Variants in NDRG2 observed in about 807,000 individuals in gnomAD.
NDRG2 encodes the protein protein NDRG2.
Under a neutral mutation model 58.2 loss-of-function variants are expected in NDRG2, and 34 were observed. The ratio of observed to expected loss-of-function variants is 0.58; its 90% CI spans 0.44 to 0.78. The LOEUF (loss-of-function observed/expected upper bound fraction) is 0.78. NDRG2 is among the 30% of genes least tolerant of loss of function. The pLI is 0.00. For missense variants in NDRG2, 434 were observed against 471.2 expected (o/e 0.92, Z 0.73); for synonymous variants, 187 against 175.9 (o/e 1.06, Z -0.50).
At chr14:21,055,985 G>A (rs1885659128) in intron 1 of NDRG2, among the ~76,000 whole-genome samples, 1 of 152,104 alleles carries the variant, frequency 6.6e-6, no homozygotes, top group Non-Finnish European at 1.5e-5. Flanking sequence ...AGGAGTGCAC[G>A]AAGGGATCCC....
rs370892193 is a variant in NDRG2, at chr14:21,018,708, A to G, written c.813+55T>C. On this transcript the variant is annotated intron_variant, in intron 12 of 15. Coordinates refer to ENST00000556147, the MANE Select transcript of NDRG2 (RefSeq NM_001320329.2). ...CCCTTGGCAAGATACTCTTCTGACC[A>G]CCACTTTAGGACCCCAACCCTCCTC... is the stretch of plus-strand genomic sequence containing the variant. The G allele has an allele frequency of 8.1e-4, 1,304 of 1,611,298 alleles. 3 individuals carry two copies. The highest frequency in any genetic ancestry group is 1.0e-3 in the Non-Finnish European group (1,228 of 1,178,810).
chr14:21,048,107 TC>T (rs1160997677), intron 1 of NDRG2, among the ~76,000 whole-genome samples: 2 of 152,046 alleles, frequency 1.3e-5, no homozygotes, highest in Admixed American at 1.3e-4. Flanking sequence ...GAGCTTCAAC[TC>T]ATTTCATCAC....
intron 11 of NDRG2, 150 bp downstream of exon 11, chr14:21,018,966 G>T (rs530292995): frequency 1.6e-6 from 2 of 1,256,232 alleles, no homozygotes; most frequent in East Asian, 4.8e-5. Context: ...TTCAAAGGGG[G>T]AAGACCTAGA....
intron 3 of NDRG2, 59 bp downstream of exon 3, chr14:21,022,805 T>G: frequency 3.8e-6 from 6 of 1,564,638 alleles, no homozygotes; most frequent in Non-Finnish European, 5.2e-6. Flanking sequence ...GAGGCCATCC[T>G]TCTACTGGGG....
intron 1 of NDRG2, chr14:21,035,697 G>A (rs1335897727): frequency 4.5e-6 from 2 of 446,990 alleles, no homozygotes; most frequent in Non-Finnish European, 9.0e-6. Context: ...CTCATGTAGA[G>A]CCCCCTAAAC....
Position 21,022,433 on chromosome 14 carries a change from T to C in NDRG2, c.182A>G (p.Lys61Arg). The C allele has an allele frequency of 1.2e-6, 2 of 1,613,822 alleles. No homozygotes were observed. Among genetic ancestry groups the C allele is most frequent in the Non-Finnish European group, 1.7e-6 (2 of 1,179,938 alleles). ...GTGGTAGGTAAGGATCGCTGGGCGT[T>C]TGGGTTTGGGGGTGCCATAGACAGT... ...TFTVYGTPKP[K>R]RPAILTYHDV... Residue 61 changes from lysine (K) to arginine (R), a missense_variant, in exon 4 of 16, where the codon AAA becomes AGA. Lys to Arg is a conservative substitution (Grantham distance 26). Coordinates refer to ENST00000556147, the MANE Select transcript of NDRG2 (RefSeq NM_001320329.2).
chr14:21,038,140 G>A (rs1369786209), intron 1 of NDRG2, among the ~76,000 whole-genome samples: 1 of 152,078 alleles, frequency 6.6e-6, no homozygotes, highest in Non-Finnish European at 1.5e-5. Context: ...TCAAACCCAG[G>A]GCTGAAGTCT....
At position 21,069,761 on chromosome 14, in the gene NDRG2, C is replaced by T. The variant is rs1262887322; in HGVS notation, c.24+1067G>A. 2.0e-5 allele frequency among the ~76,000 whole-genome samples: 3 copies of T among 152,262 alleles called. No individual in the cohort carries two copies. The East Asian group carries it at 5.8e-4, about 30-fold the overall frequency. On this transcript the variant is annotated intron_variant, in intron 1 of 14. Transcript: ENST00000403829. The stretch of plus-strand genomic sequence containing the variant: ...AATCCCCTGATTTCCCGGCCCTCCG[C>T]TCTCTGCTAGGCAGGCAGGGGCCTG...
upstream of NDRG2, chr14:21,028,364 A>G (rs887766741): frequency 6.6e-6 from 1 of 152,068 alleles, no homozygotes; most frequent in African/African-American, 2.4e-5. Flanking sequence ...CAATCCTCCC[A>G]CTTCAGCCTC....
Position 21,019,926 on chromosome 14 carries a change from G to T in NDRG2, c.606C>A (p.Phe202Leu), listed in dbSNP as rs139573521. The change falls in exon 9 of 16, where the codon TTC (phenylalanine) becomes TTA (leucine). Residue 202 changes from phenylalanine to leucine, a missense_variant. Coordinates refer to ENST00000556147, the MANE Select transcript of NDRG2 (RefSeq NM_001320329.2). The part of the protein sequence containing the change: ...SIPEMILGHL[F>L]SQEELSGNSE... ...ATCTCCTACACCCACTTACCTGGCT[G>T]AAAAGATGTCCAAGGATCATCTCCG... The T allele has an allele frequency of 4.3e-6, 7 of 1,614,078 alleles. No individual in the cohort carries two copies. The highest frequency in any genetic ancestry group is 5.9e-6 in the Non-Finnish European group (7 of 1,179,986).
At chr14:21,060,648 T>C (rs182408035) in intron 1 of NDRG2, among the ~76,000 whole-genome samples, 14 of 151,908 alleles carry the variant, frequency 9.2e-5, no homozygotes, top group East Asian at 1.9e-4. Flanking sequence ...TCCATCTTCA[T>C]ACTGTTACTA....
At position 21,024,475 on chromosome 14, in the gene NDRG2, A is replaced by AT. The variant is rs2139015024; in HGVS notation, c.-453dup. The AT allele has an allele frequency of 1.1e-6, 1 of 949,082 alleles. No homozygotes were observed. Among genetic ancestry groups the AT allele is most frequent in the East Asian group, 1.2e-4 (1 of 8,600 alleles). 58.8% of individuals were successfully genotyped at this position (949,082 alleles called of 1,614,324 possible). A position where few individuals can be genotyped will look rare whatever the true frequency, so the allele number is the denominator to read the frequency against. ...CTGCAGGGGGACTAAACGCGGGGGA[A>AT]TAGGGGATCCCCAAAATTTTTGACA... On this transcript the variant is annotated 5_prime_UTR_variant, in exon 1 of 16. It removes the in-frame stop codon of an upstream open reading frame in the 5' UTR. Coordinates refer to ENST00000556147, the MANE Select transcript of NDRG2 (RefSeq NM_001320329.2).
At chr14:21,021,794 G>A in intron 6 of NDRG2, 23 bp downstream of exon 6, 1 of 1,607,506 alleles carries the variant, frequency 6.2e-7, no homozygotes, top group Non-Finnish European at 8.5e-7. Flanking sequence ...ACTCTGGTTT[G>A]GAGGGGTTCC....
chr14:21,055,051 C>A (rs1885614713), intron 1 of NDRG2, among the ~76,000 whole-genome samples: 1 of 152,186 alleles, frequency 6.6e-6, no homozygotes, highest in Admixed American at 6.5e-5. Context: ...TACTCCTAAG[C>A]ATTTTACCAC....
chr14:21,017,454 A>G lies in NDRG2; in HGVS notation c.*142T>C. 2 of 907,190 alleles carry G rather than the reference A, an allele frequency of 2.2e-6. No individual in the cohort carries two copies. Among genetic ancestry groups the G allele is most frequent in the East Asian group, 2.7e-5 (1 of 37,566 alleles). 56.2% of individuals were successfully genotyped at this position (907,190 alleles called of 1,614,324 possible). On this transcript the variant is annotated 3_prime_UTR_variant, in exon 16 of 16. Transcript: ENST00000556147. ...ACGGGTTAAAGGTCAAGGTTAGGGT[A>G]GCAATCAAAGATCAAGGTCATCTCC...
chr14:21,040,608 T>C (rs759986037), intron 1 of NDRG2, among the ~76,000 whole-genome samples: 1 of 152,216 alleles, frequency 6.6e-6, no homozygotes, highest in East Asian at 1.9e-4. Flanking sequence ...GGTCCGTAAG[T>C]CTTCCCAATG....
intron 1 of NDRG2, among the ~76,000 whole-genome samples, chr14:21,040,979 TG>T (rs1244569673): frequency 1.3e-5 from 1 of 75,910 alleles, no homozygotes; most frequent in Non-Finnish European, 2.9e-5. Flanking sequence ...TGTTTTTTGT[TG>T]TTGTTTGTTT....
At chr14:21,019,242 C>A (rs1878705513) in intron 10 of NDRG2, 82 bp from the exon 11 acceptor site, 5 of 1,285,106 alleles carry the variant, frequency 3.9e-6, no homozygotes, top group African/African-American at 1.5e-5. Flanking sequence ...CATGATGGAA[C>A]TATCTTTGTC....
At chr14:21,041,017 G>A (rs1261494592) in intron 1 of NDRG2, among the ~76,000 whole-genome samples, 1 of 151,066 alleles carries the variant, frequency 6.6e-6, no homozygotes, top group African/African-American at 2.4e-5. Context: ...TTTGAGACAG[G>A]GTCTCACTCT....
Sources: gnomAD v4.1 joint callset for allele counts (sites outside exome capture counted in the v4.1 genomes callset) on GRCh38, gnomAD v4.1.1 for gene constraint, MANE v1.5 for transcripts, NCBI Gene and HGNC (gene_info 2026-07-23, HGNC 2026-07-21) for gene names.